The following RBM33 variants were observed in gnomAD, a reference collection of about 807,000 sequenced individuals.
RBM33 encodes RNA binding motif protein 33, also known as RNA-binding protein 33.
A neutral mutation model predicts 132.6 loss-of-function variants in RBM33; 28 were observed. That is an observed-to-expected ratio of 0.21 (90% CI 0.16 to 0.29). The LOEUF is 0.29. RBM33 is among the 10% of genes least tolerant of loss of function. The probability of loss-of-function intolerance (pLI) is 1.00; values close to 1 mark genes in which losing one functional copy is unlikely to be tolerated. For synonymous variants in RBM33, 634 were observed against 593.0 expected (o/e 1.07, Z -1.01); for missense variants, 1,291 against 1,518.5 (o/e 0.85, Z 2.49).
At chr7:155,652,136 G>A (rs575730115) in intron 1 of RBM33, among the ~76,000 whole-genome samples, 1 of 152,192 alleles carries the variant, frequency 6.6e-6, no homozygotes, top group African/African-American at 2.4e-5. Flanking sequence ...GACTATTAGT[G>A]ATTTGGACTA....
At chr7:155,734,212 G>A (rs967209142) in intron 9 of RBM33, among the ~76,000 whole-genome samples, 4 of 152,220 alleles carry the variant, frequency 2.6e-5, no homozygotes, top group African/African-American at 4.8e-5. Context: ...GATCATCCCC[G>A]GCAGGCGGTG....
chr7:155,737,680 G>A lies in RBM33; in HGVS notation c.1393+18G>A. 6.5e-7 allele frequency: 1 copy of A among 1,547,780 alleles called. No homozygotes were observed. The highest frequency in any genetic ancestry group is 8.7e-7 in the Non-Finnish European group (1 of 1,154,982). On this transcript the variant is annotated intron_variant, in intron 10 of 17. Transcript: ENST00000401878. ...CTTAGGAGGTACAGAAAGAGTGAGT[G>A]GTGTGGAGTAACAACAGAAGCTGCA... is the stretch of plus-strand genomic sequence containing the variant.
intron 9 of RBM33, among the ~76,000 whole-genome samples, chr7:155,737,095 G>A (rs919977439): frequency 6.6e-6 from 1 of 152,188 alleles, no homozygotes; most frequent in African/African-American, 2.4e-5. Context: ...TTCTAGGGTT[G>A]GATATGTTTA....
At chr7:155,700,546 C>CTTTTTTTTTTTTTTTTTTTTTTTTTTTT (rs529323301) in intron 5 of RBM33, among the ~76,000 whole-genome samples, 1 of 85,582 alleles carries the variant, frequency 1.2e-5, no homozygotes, top group Non-Finnish European at 2.3e-5. Flanking sequence ...AGAATTTGAC[C>CTTTTTTTTTTTTTTTTTTTTTTTTTTTT]TTTTTTTTTT....
intron 5 of RBM33, among the ~76,000 whole-genome samples, chr7:155,690,622 C>T (rs535047643): frequency 3.9e-5 from 6 of 152,186 alleles, no homozygotes; most frequent in Admixed American, 2.6e-4. Context: ...TTCCTTTCCA[C>T]GTTTACTGCT....
intron 5 of RBM33, among the ~76,000 whole-genome samples, chr7:155,695,846 T>C (rs1799779200): frequency 6.6e-6 from 1 of 152,244 alleles, no homozygotes; most frequent in Admixed American, 6.5e-5. Context: ...GAAATCTTTG[T>C]TTACTCCAAA....
At chr7:155,648,958 G>A (rs961326389) in intron 1 of RBM33, among the ~76,000 whole-genome samples, 2 of 151,966 alleles carry the variant, frequency 1.3e-5, no homozygotes, top group Admixed American at 1.3e-4. Context: ...GCTTTTGATA[G>A]TGTGATCATA....
intron 15 of RBM33, 28 bp from the exon 16 acceptor site, chr7:155,766,439 C>G: frequency 6.2e-7 from 1 of 1,609,900 alleles, no homozygotes; most frequent in Non-Finnish European, 8.5e-7. Flanking sequence ...GCTTGAAACT[C>G]TGAATGTATT....
At chr7:155,762,866 C>T (rs993211284) in intron 14 of RBM33, among the ~76,000 whole-genome samples, 1 of 152,218 alleles carries the variant, frequency 6.6e-6, no homozygotes, top group Non-Finnish European at 1.5e-5. Context: ...CCTCCGTCTT[C>T]CTTTTCAAGT....
intron 7 of RBM33, 85 bp downstream of exon 7, chr7:155,707,153 CTCT>C (rs1800141282): frequency 1.7e-6 from 2 of 1,148,860 alleles, no homozygotes; most frequent in African/African-American, 1.5e-5. Context: ...ATACATTTCT[CTCT>C]TCTTAGTCTG....
At chr7:155,769,328 C>T (rs2117078278) in intron 16 of RBM33, among the ~76,000 whole-genome samples, 1 of 152,268 alleles carries the variant, frequency 6.6e-6, no homozygotes, top group South Asian at 2.1e-4. Context: ...CGGGAAAGCA[C>T]ATTAAAGCAG....
chr7:155,706,839 CAT>C lies in RBM33; in HGVS notation c.740-19_740-18del. 1.9e-6 allele frequency: 3 copies of C among 1,574,732 alleles called. No homozygotes were observed. The highest frequency in any genetic ancestry group is 2.6e-6 in the Non-Finnish European group (3 of 1,158,674). On this transcript the variant is annotated intron_variant, in intron 6 of 17. Coordinates refer to ENST00000401878, the MANE Select transcript of RBM33 (RefSeq NM_053043.3). Reference sequence around the variant, plus strand: ...TTGGGCTCTCGGAAAGTAACTAACACATACACATTTTTTCACATAGAGCTTTC... The same window carrying C: ...TTGGGCTCTCGGAAAGTAACTAACACACACATTTTTTCACATAGAGCTTTC...
chr7:155,742,184 C>A, intron 13 of RBM33, 78 bp downstream of exon 13: 1 of 1,320,114 alleles, frequency 7.6e-7, no homozygotes, highest in South Asian at 1.6e-5. Context: ...TTAGTTCACT[C>A]TCACTAAGTT....
chr7:155,699,332 G>T (rs1799892301), intron 5 of RBM33, among the ~76,000 whole-genome samples: 1 of 152,206 alleles, frequency 6.6e-6, no homozygotes, highest in African/African-American at 2.4e-5. Flanking sequence ...AATCGGCTGA[G>T]TCAGAATCTG....
rs571044465 is a variant in RBM33, at chr7:155,661,083, C to G, written c.44-4092C>G. On this transcript the variant is annotated intron_variant, in intron 1 of 17. Coordinates refer to ENST00000401878, the MANE Select transcript of RBM33 (RefSeq NM_053043.3). The stretch of plus-strand genomic sequence containing the variant: ...TCTATTTGGTTTTTAAAAATAATTT[C>G]TGTGTGTGTGTGTGGTGTGTGTGTG... Among the ~76,000 whole-genome samples, 139 of 132,382 alleles carry G rather than the reference C, an allele frequency of 1.0e-3. 1 individual carries two copies. The highest frequency in any genetic ancestry group is 2.2e-3 in the Admixed American group (29 of 13,122). The allele number at this position is 132,382 out of a possible 152,430, so 86.8% of individuals were successfully genotyped here.
chr7:155,774,889 T>C lies in RBM33; in HGVS notation c.3465-104T>C. 2 of 1,041,254 alleles carry C rather than the reference T, an allele frequency of 1.9e-6. No individual in the cohort carries two copies. Among genetic ancestry groups the C allele is most frequent in the Admixed American group, 4.1e-5 (2 of 48,420 alleles). 64.5% of individuals were successfully genotyped at this position (1,041,254 alleles called of 1,614,324 possible). A position where few individuals can be genotyped will look rare whatever the true frequency, so the allele number is the denominator to read the frequency against. ...AATCTGCCTTTTTATATGATGCGTT[T>C]TTATTAAACAGGACCCACCGGGCTC... On this transcript the variant is annotated intron_variant, in intron 17 of 17. Coordinates refer to ENST00000401878, the MANE Select transcript of RBM33 (RefSeq NM_053043.3). The surrounding 1 kb of genome is among the most constrained non-coding windows in gnomAD (Gnocchi z 4.2).
At position 155,652,358 on chromosome 7, in the gene RBM33, C is replaced by T. The variant is rs539064606; in HGVS notation, c.43+7439C>T. Among the ~76,000 whole-genome samples, 333 of 152,266 alleles carry T rather than the reference C, an allele frequency of 2.2e-3. 3 individuals are homozygous for T. The highest frequency in any genetic ancestry group is 3.2e-3 in the Non-Finnish European group (220 of 68,024). On this transcript the variant is annotated intron_variant, in intron 1 of 17. Coordinates refer to ENST00000401878, the MANE Select transcript of RBM33 (RefSeq NM_053043.3). Reference sequence around the variant, plus strand: ...TGCCTGAATTGGAATAGCTGTGTTCCATTAAAAGCTTATTTACATACACGG... The same window carrying T: ...TGCCTGAATTGGAATAGCTGTGTTCTATTAAAAGCTTATTTACATACACGG...
At position 155,745,670 on chromosome 7, in the gene RBM33, A is replaced by G; in HGVS notation, c.2979+68A>G. On this transcript the variant is annotated intron_variant, in intron 14 of 17. Transcript: ENST00000401878. This position sits in a 1 kb window ranked among gnomAD's most constrained non-coding sequence, Gnocchi z 4.1. Reference sequence around the variant, plus strand: ...TCACATAGAATGTCCTCATTTGCAGAGAATGTTTTTGAAGAAAGAATTAAA... The same window carrying G: ...TCACATAGAATGTCCTCATTTGCAGGGAATGTTTTTGAAGAAAGAATTAAA... 7.2e-7 allele frequency: 1 copy of G among 1,379,610 alleles called. No homozygotes were observed. Among genetic ancestry groups the G allele is most frequent in the Non-Finnish European group, 9.7e-7 (1 of 1,030,416 alleles). 85.5% of individuals were successfully genotyped at this position (1,379,610 alleles called of 1,614,324 possible).
At chr7:155,750,729 T>C (rs1329488332) in intron 14 of RBM33, among the ~76,000 whole-genome samples, 2 of 150,518 alleles carry the variant, frequency 1.3e-5, no homozygotes, top group African/African-American at 4.9e-5. Flanking sequence ...AAAAAGAAAA[T>C]GGTTTTTTTT....
Sources: gnomAD v4.1 joint callset for allele counts (sites outside exome capture counted in the v4.1 genomes callset) on GRCh38, gnomAD v4.1.1 for gene constraint, Gnocchi (gnomAD v3.1) non-coding constraint, MANE v1.5 for transcripts, NCBI Gene and HGNC (gene_info 2026-07-23, HGNC 2026-07-21) for gene names.